The following ZNF385D variants were observed in gnomAD, a reference collection of about 807,000 sequenced individuals.
ZNF385D encodes zinc finger protein 385D.
ZNF385D carries 15 observed loss-of-function variants against 35.8 expected under a neutral mutation model. That is an observed-to-expected ratio of 0.42 (90% CI 0.28 to 0.64). The LOEUF (loss-of-function observed/expected upper bound fraction) is 0.64. ZNF385D is among the 30% of genes least tolerant of loss of function. The pLI is 0.23. For synonymous variants in ZNF385D, 212 were observed against 186.8 expected, an observed-to-expected ratio of 1.13 and a Z score of -1.10; for missense variants, 474 against 494.6, an observed-to-expected ratio of 0.96 and a Z score of 0.39.
At chr3:21,599,662 A>T (rs1684358015) in intron 2 of ZNF385D, among the ~76,000 whole-genome samples, 1 of 152,222 alleles carries the variant, frequency 6.6e-6, no homozygotes, top group South Asian at 2.1e-4. Context: ...AAATAAGCTG[A>T]TAAGAAGTTA....
intron 3 of ZNF385D, among the ~76,000 whole-genome samples, chr3:21,763,101 G>A (rs1034592602): frequency 6.6e-6 from 1 of 152,102 alleles, no homozygotes; most frequent in Non-Finnish European, 1.5e-5. Flanking sequence ...CAAGAATATG[G>A]TAACTCCCCC....
intron 3 of ZNF385D, among the ~76,000 whole-genome samples, chr3:22,110,651 G>T (rs1369484266): frequency 6.6e-6 from 1 of 151,816 alleles, no homozygotes. Context: ...GGTGGGGGGA[G>T]TGGGGAGGGA....
intron 3 of ZNF385D, among the ~76,000 whole-genome samples, chr3:22,023,937 C>A (rs1274392455): frequency 2.0e-5 from 3 of 152,030 alleles, no homozygotes; most frequent in African/African-American, 7.2e-5. Flanking sequence ...GGGGTTAACA[C>A]TGAGTGTCAA....
At chr3:22,371,084 G>C (rs9310691) in intron 2 of ZNF385D, among the ~76,000 whole-genome samples, 101,042 of 152,014 alleles carry the variant, frequency 0.66, 33,850 homozygotes, top group South Asian at 0.77. Flanking sequence ...TTGCAGCAAA[G>C]CCCGGACATG....
intron 1 of ZNF385D, among the ~76,000 whole-genome samples, chr3:21,748,987 G>A (rs982500243): frequency 1.3e-5 from 2 of 152,086 alleles, no homozygotes; most frequent in Non-Finnish European, 2.9e-5. Flanking sequence ...TGTACGAGAA[G>A]CTGCATAGCA....
chr3:21,874,753 G>A (rs548487470), intron 3 of ZNF385D, among the ~76,000 whole-genome samples: 30 of 152,026 alleles, frequency 2.0e-4, no homozygotes, highest in Non-Finnish European at 4.1e-4. Context: ...TTATAATTTT[G>A]ATTTTCTATT....
intron 3 of ZNF385D, among the ~76,000 whole-genome samples, chr3:21,948,695 T>C (rs187701574): frequency 1.5e-3 from 212 of 143,680 alleles, no homozygotes; most frequent in Non-Finnish European, 2.5e-3. Context: ...TGTTTTCCAA[T>C]TGCATGAGAC....
intron 2 of ZNF385D, among the ~76,000 whole-genome samples, chr3:21,604,369 G>C (rs957207301): frequency 3.3e-5 from 5 of 152,128 alleles, no homozygotes; most frequent in African/African-American, 4.8e-5. Context: ...GGATTAACAA[G>C]GCGCTGAAAA....
chr3:21,620,714 A>C (rs1408756149), intron 2 of ZNF385D, among the ~76,000 whole-genome samples: 1 of 152,154 alleles, frequency 6.6e-6, no homozygotes, highest in Admixed American at 6.5e-5. Context: ...CCTGAGTCAC[A>C]CACCGAACAG....
At chr3:22,230,723 A>G (rs1907619) in intron 2 of ZNF385D, among the ~76,000 whole-genome samples, 1 of 152,040 alleles carries the variant, frequency 6.6e-6, no homozygotes, top group Non-Finnish European at 1.5e-5. Context: ...ACAAGGAAAA[A>G]TTTGGCCGGT....
chr3:21,708,685 T>A (rs2067993759), intron 1 of ZNF385D, among the ~76,000 whole-genome samples: 1 of 152,182 alleles, frequency 6.6e-6, no homozygotes, highest in African/African-American at 2.4e-5. Context: ...TACAGCTTGG[T>A]TTGATTCTCC....
chr3:22,177,385 T>C (rs1479634190), intron 2 of ZNF385D, among the ~76,000 whole-genome samples: 15 of 152,150 alleles, frequency 9.9e-5, no homozygotes, highest in Non-Finnish European at 1.5e-5. Flanking sequence ...TATGTATATC[T>C]GGTGAAAAGT....
intron 1 of ZNF385D, among the ~76,000 whole-genome samples, chr3:21,716,883 G>T (rs1346226528): frequency 6.6e-6 from 1 of 152,024 alleles, no homozygotes; most frequent in African/African-American, 2.4e-5. Context: ...CAGGACTTTG[G>T]GAGGCTGAGG....
Position 21,420,305 on chromosome 3 carries a change from T to C in ZNF385D, c.*909A>G, listed in dbSNP as rs976019446. 1.6e-4 allele frequency: 25 copies of C among 152,346 alleles called. No homozygotes were observed. The highest frequency in any genetic ancestry group is 5.0e-4 in the African/African-American group (21 of 41,590). 9.4% of individuals were successfully genotyped at this position (152,346 alleles called of 1,614,324 possible). On this transcript the variant is annotated 3_prime_UTR_variant, in exon 8 of 8. Coordinates refer to ENST00000281523, the MANE Select transcript of ZNF385D (RefSeq NM_024697.3). Reference sequence around the variant, plus strand: ...TTGCATTATCATTCTAGGTTATGATTCTTCATCCTTGAAATAGAAGAGTTG... The same window carrying C: ...TTGCATTATCATTCTAGGTTATGATCCTTCATCCTTGAAATAGAAGAGTTG...
At chr3:22,117,587 A>C (rs750777164) in intron 3 of ZNF385D, among the ~76,000 whole-genome samples, 39 of 151,642 alleles carry the variant, frequency 2.6e-4, no homozygotes, top group Middle Eastern at 6.8e-3. Context: ...TTTTTTTTAC[A>C]AAAAAAATGA....
At chr3:21,835,429 T>G (rs976326393) in intron 3 of ZNF385D, among the ~76,000 whole-genome samples, 1 of 151,922 alleles carries the variant, frequency 6.6e-6, no homozygotes, top group African/African-American at 2.4e-5. Context: ...AATTCTCCAG[T>G]TGGACAATGT....
intron 2 of ZNF385D, among the ~76,000 whole-genome samples, chr3:22,170,719 A>G (rs555944414): frequency 6.6e-6 from 1 of 152,188 alleles, no homozygotes; most frequent in African/African-American, 2.4e-5. Flanking sequence ...CTTATTTTAT[A>G]TAAATAAAAA....
intron 3 of ZNF385D, among the ~76,000 whole-genome samples, chr3:21,910,720 G>A (rs2125912583): frequency 2.0e-5 from 3 of 151,598 alleles, no homozygotes; most frequent in Middle Eastern, 6.8e-3. Context: ...CATGGGCCAG[G>A]GGACGGGGGG....
intron 3 of ZNF385D, among the ~76,000 whole-genome samples, chr3:21,544,956 G>C (rs935098377): frequency 1.3e-5 from 2 of 152,128 alleles, no homozygotes; most frequent in Admixed American, 6.5e-5. Context: ...ACGTGTTCAC[G>C]TATACAGGAT....
Sources: gnomAD v4.1 joint callset for allele counts (sites outside exome capture counted in the v4.1 genomes callset) on GRCh38, gnomAD v4.1.1 for gene constraint, MANE v1.5 for transcripts, NCBI Gene and HGNC (gene_info 2026-07-23, HGNC 2026-07-21) for gene names.